MYO1E: variants seen among roughly 807,000 people sequenced by gnomAD.
The protein encoded by MYO1E is unconventional myosin-Ie.
In MYO1E, 68 loss-of-function variants were observed where a neutral mutation model predicts 151.1. The observed-to-expected ratio is 0.45, with a 90% CI of 0.37 to 0.55. The LOEUF (loss-of-function observed/expected upper bound fraction) is 0.55, where lower values mean the gene tolerates loss of function less well. Ranked by LOEUF, MYO1E falls within the 20% of genes least tolerant of loss-of-function variation. MYO1E has a pLI of 0.00. For missense variants in MYO1E, 1,363 were observed against 1,389.3 expected (o/e 0.98, Z 0.30); for synonymous variants, 601 against 501.7 (o/e 1.20, Z -2.64).
At chr15:59,192,098 C>G (rs1319787059) in intron 17 of MYO1E, among the ~76,000 whole-genome samples, 3 of 152,178 alleles carry the variant, frequency 2.0e-5, no homozygotes, top group African/African-American at 7.2e-5. Context: ...TTCACGGACC[C>G]TAACACTCCT....
intron 14 of MYO1E, chr15:59,208,472 G>A: frequency 1.6e-6 from 1 of 642,102 alleles, no homozygotes. Flanking sequence ...TAAAAAAGTA[G>A]TAGCTTCTTC....
chr15:59,323,880 G>A (rs2080644911), intron 1 of MYO1E, among the ~76,000 whole-genome samples: 1 of 151,900 alleles, frequency 6.6e-6, no homozygotes, highest in African/African-American at 2.4e-5. Flanking sequence ...ATTATTACTA[G>A]AGCTTGCGGG....
chr15:59,225,425 A>C (rs529911727), intron 7 of MYO1E, among the ~76,000 whole-genome samples: 1 of 152,120 alleles, frequency 6.6e-6, no homozygotes, highest in African/African-American at 2.4e-5. Context: ...AAGAGCTCTG[A>C]CCATTTGATC....
chr15:59,286,493 C>T (rs1157887839), intron 1 of MYO1E, among the ~76,000 whole-genome samples: 1 of 152,102 alleles, frequency 6.6e-6, no homozygotes, highest in Non-Finnish European at 1.5e-5. Context: ...TTTTAAGGAG[C>T]GGTGACACAG....
intron 1 of MYO1E, among the ~76,000 whole-genome samples, chr15:59,278,274 T>C (rs1275860674): frequency 1.3e-5 from 2 of 152,168 alleles, no homozygotes; most frequent in Non-Finnish European, 2.9e-5. Flanking sequence ...GTGTTATAAG[T>C]AGATCACCCT....
chr15:59,338,028 A>C (rs993296673), intron 1 of MYO1E, among the ~76,000 whole-genome samples: 1 of 152,142 alleles, frequency 6.6e-6, no homozygotes, highest in Non-Finnish European at 1.5e-5. Context: ...GAAGAGTGTA[A>C]ATTAATCAAA....
chr15:59,225,250 G>A (rs536280579), intron 7 of MYO1E, among the ~76,000 whole-genome samples: 1 of 152,226 alleles, frequency 6.6e-6, no homozygotes, highest in Non-Finnish European at 1.5e-5. Flanking sequence ...CCTTGACTGT[G>A]AACTTCTCCA....
At chr15:59,164,482 T>C (rs113444464) in intron 22 of MYO1E, among the ~76,000 whole-genome samples, 1,701 of 152,332 alleles carry the variant, frequency 0.011, 35 homozygotes, top group African/African-American at 0.039. Flanking sequence ...TCAGGAGCTC[T>C]GCTCTGCTCT....
intron 5 of MYO1E, among the ~76,000 whole-genome samples, chr15:59,236,195 T>G (rs1285627675): frequency 6.6e-6 from 1 of 151,658 alleles, no homozygotes; most frequent in Non-Finnish European, 1.5e-5. Flanking sequence ...ATACAAAAAT[T>G]AGCTGGGCAT....
At chr15:59,368,700 C>A in intron 1 of MYO1E, among the ~76,000 whole-genome samples, 1 of 151,902 alleles carries the variant, frequency 6.6e-6, no homozygotes, top group Admixed American at 6.6e-5. Context: ...GAGTTGAGAT[C>A]GCGCCAGTGC....
At chr15:59,270,497 C>T (rs1440877154) in intron 2 of MYO1E, among the ~76,000 whole-genome samples, 14 of 143,076 alleles carry the variant, frequency 9.8e-5, no homozygotes, top group African/African-American at 2.4e-4. Context: ...GAGCTGGGAT[C>T]GTGCCACTGC....
At chr15:59,246,745 G>A (rs78344583) in intron 4 of MYO1E, among the ~76,000 whole-genome samples, 2,297 of 151,282 alleles carry the variant, frequency 0.015, 50 homozygotes, top group African/African-American at 0.052. Flanking sequence ...CTGGCCCCCA[G>A]ACAAATCCAC....
intron 25 of MYO1E, 81 bp from the exon 26 acceptor site, chr15:59,153,872 A>C: frequency 3.8e-6 from 5 of 1,325,528 alleles, no homozygotes; most frequent in Non-Finnish European, 5.4e-6. Flanking sequence ...TCTTCCATGT[A>C]CTACAAGGGC....
In MYO1E at chr15:59,172,007, G is replaced by A. The variant is rs758814752; in HGVS notation, c.2370C>T (p.Cys790=). Residue 790 remains cysteine, a synonymous_variant, in exon 22 of 28, where the codon TGC becomes TGT. Coordinates refer to ENST00000288235, the MANE Select transcript of MYO1E (RefSeq NM_004998.4). ...VKRDLLLTPK[C]LYLIGREKVK... ...CTTTTTCTCGTCCGATTAAGTACAA[G>A]CACTTTGGGGTAAGGAGCAGGTCTC... is the stretch of plus-strand genomic sequence containing the variant. 1.2e-6 allele frequency: 2 copies of A among 1,614,196 alleles called. No individual in the cohort carries two copies. The highest frequency in any genetic ancestry group is 1.1e-5 in the South Asian group (1 of 91,086).
chr15:59,296,411 G>A (rs769354623), intron 1 of MYO1E, among the ~76,000 whole-genome samples: 1 of 152,136 alleles, frequency 6.6e-6, no homozygotes, highest in Non-Finnish European at 1.5e-5. Flanking sequence ...TTTTCCTACT[G>A]ACCTCAATTT....
intron 22 of MYO1E, among the ~76,000 whole-genome samples, chr15:59,164,667 G>A (rs1415191602): frequency 6.6e-6 from 1 of 152,184 alleles, no homozygotes; most frequent in Non-Finnish European, 1.5e-5. Context: ...TCCCTGTTCA[G>A]CCCCATTCAC....
intron 4 of MYO1E, among the ~76,000 whole-genome samples, chr15:59,236,979 C>A (rs2080070910): frequency 6.6e-6 from 1 of 151,994 alleles, no homozygotes; most frequent in Non-Finnish European, 1.5e-5. Context: ...TGGAGTATCA[C>A]AAGGGTGGAA....
chr15:59,243,636 G>C (rs976554412), intron 4 of MYO1E, among the ~76,000 whole-genome samples: 1 of 151,896 alleles, frequency 6.6e-6, no homozygotes, highest in African/African-American at 2.4e-5. Context: ...AAATCAACAA[G>C]GTTTCACAAA....
intron 1 of MYO1E, among the ~76,000 whole-genome samples, chr15:59,327,573 C>A (rs774432111): frequency 6.6e-6 from 1 of 152,130 alleles, no homozygotes; most frequent in Non-Finnish European, 1.5e-5. Context: ...CCTCTGCCTC[C>A]AAAAGTATTG....
Sources: allele counts gnomAD v4.1 joint callset (sites outside exome capture counted in the v4.1 genomes callset), GRCh38; gene constraint gnomAD v4.1.1; transcripts MANE v1.5; gene names NCBI Gene and HGNC (gene_info 2026-07-23, HGNC 2026-07-21).